The following AKT3 variants were observed in gnomAD, a reference collection of about 807,000 sequenced individuals.
AKT3 encodes AKT serine/threonine kinase 3, also known as RAC-gamma serine/threonine-protein kinase.
A neutral mutation model predicts 65.3 loss-of-function variants in AKT3; 15 were observed. The ratio of observed to expected loss-of-function variants is 0.23; its 90% CI spans 0.15 to 0.35. The LOEUF is 0.35. Among genes scored for constraint, AKT3 ranks in the 10% least tolerant of loss-of-function variants. AKT3 has a pLI of 1.00. For synonymous variants in AKT3, 206 were observed against 183.8 expected, an observed-to-expected ratio of 1.12 and a Z score of -0.98; for missense variants, 243 against 576.5, an observed-to-expected ratio of 0.42 and a Z score of 5.92.
intron 2 of AKT3, among the ~76,000 whole-genome samples, chr1:243,839,781 T>C (rs1203162892): frequency 6.6e-6 from 1 of 151,596 alleles, no homozygotes; most frequent in Non-Finnish European, 1.5e-5. Flanking sequence ...AAAAGACTAA[T>C]ATTCAAAGTA....
At chr1:243,674,994 C>T (rs1285220754) in intron 3 of AKT3, among the ~76,000 whole-genome samples, 1 of 152,120 alleles carries the variant, frequency 6.6e-6, no homozygotes, top group Non-Finnish European at 1.5e-5. Flanking sequence ...TTTTGGAGTC[C>T]GCAGTGTCTA....
At chr1:243,576,371 G>A (rs1281072212) in intron 8 of AKT3, among the ~76,000 whole-genome samples, 3 of 152,110 alleles carry the variant, frequency 2.0e-5, no homozygotes, top group East Asian at 3.9e-4. Flanking sequence ...ACATAGTATT[G>A]GAAATGCTGG....
intron 12 of AKT3, among the ~76,000 whole-genome samples, chr1:243,513,051 G>C (rs879645227): frequency 5.3e-5 from 8 of 152,204 alleles, no homozygotes; most frequent in Non-Finnish European, 1.2e-4. Flanking sequence ...GCCCAGAAGA[G>C]ATTAAGAGTA....
chr1:243,552,648 T>C (rs1231325618), intron 11 of AKT3, 81 bp downstream of exon 11: 2 of 1,262,408 alleles, frequency 1.6e-6, no homozygotes, highest in African/African-American at 1.5e-5. Context: ...TTCTTGGAGT[T>C]AGTTATATTT....
chr1:243,636,826 G>C (rs1680008845), intron 6 of AKT3, among the ~76,000 whole-genome samples: 1 of 152,178 alleles, frequency 6.6e-6, no homozygotes, highest in Middle Eastern at 3.4e-3. Context: ...TTCCAATAGG[G>C]GCATTGACTT....
chr1:243,791,343 A>T (rs1286294579), intron 2 of AKT3, among the ~76,000 whole-genome samples: 1 of 152,064 alleles, frequency 6.6e-6, no homozygotes, highest in Non-Finnish European at 1.5e-5. Flanking sequence ...ACAGATGCAG[A>T]ACCCACAATG....
chr1:243,573,197 C>A, intron 8 of AKT3, 149 bp from the exon 9 acceptor site: 1 of 892,454 alleles, frequency 1.1e-6, no homozygotes, highest in South Asian at 3.2e-5. Context: ...CAGCAGCTGG[C>A]TTATCTTTTC....
intron 8 of AKT3, among the ~76,000 whole-genome samples, chr1:243,606,878 C>T (rs1677468233): frequency 6.6e-6 from 1 of 152,274 alleles, no homozygotes; most frequent in Non-Finnish European, 1.5e-5. Context: ...TGCATCCCAA[C>T]TGCTTCAGTC....
At chr1:243,803,117 G>A (rs767674933) in intron 2 of AKT3, among the ~76,000 whole-genome samples, 2 of 152,158 alleles carry the variant, frequency 1.3e-5, no homozygotes, top group African/African-American at 4.8e-5. Context: ...TCCAACCTGG[G>A]TGACAGAGTG....
At chr1:243,779,029 T>C (rs1193894761) in intron 2 of AKT3, among the ~76,000 whole-genome samples, 1 of 152,080 alleles carries the variant, frequency 6.6e-6, no homozygotes, top group Non-Finnish European at 1.5e-5. Flanking sequence ...TTCCTATTAA[T>C]GGACATTTGG....
At chr1:243,705,471 C>T (rs909445727) in intron 2 of AKT3, among the ~76,000 whole-genome samples, 1 of 152,152 alleles carries the variant, frequency 6.6e-6, no homozygotes, top group African/African-American at 2.4e-5. Flanking sequence ...GGTAAATTGA[C>T]TAATCAAATC....
intron 2 of AKT3, among the ~76,000 whole-genome samples, chr1:243,756,489 T>G (rs1170450233): frequency 6.6e-6 from 1 of 152,206 alleles, no homozygotes; most frequent in Non-Finnish European, 1.5e-5. Context: ...TGAGACAATC[T>G]GGATATCAAA....
chr1:243,646,647 A>C (rs919004721), intron 4 of AKT3, among the ~76,000 whole-genome samples: 2 of 152,082 alleles, frequency 1.3e-5, no homozygotes, highest in African/African-American at 4.8e-5. Flanking sequence ...GAACCACCGC[A>C]CTTGGCCAAT....
At chr1:243,546,237 T>C (rs1672667726) in intron 11 of AKT3, among the ~76,000 whole-genome samples, 1 of 152,204 alleles carries the variant, frequency 6.6e-6, no homozygotes, top group Non-Finnish European at 1.5e-5. Flanking sequence ...TCCCCAGCCA[T>C]GTGGAACTGT....
chr1:243,584,084 C>G (rs1389115825), intron 8 of AKT3, among the ~76,000 whole-genome samples: 2 of 151,864 alleles, frequency 1.3e-5, no homozygotes, highest in Admixed American at 1.3e-4. Context: ...GTGAGATTAA[C>G]AAAGGAAAAG....
chr1:243,495,766 C>T (rs1667696252), downstream of AKT3, among the ~76,000 whole-genome samples: 5 of 152,172 alleles, frequency 3.3e-5, no homozygotes, highest in Admixed American at 3.3e-4. Flanking sequence ...GCACCTCTCT[C>T]CTCAGTGCGT....
intron 3 of AKT3, among the ~76,000 whole-genome samples, chr1:243,667,106 G>A (rs912778776): frequency 6.6e-6 from 1 of 152,104 alleles, no homozygotes; most frequent in Admixed American, 6.5e-5. Context: ...AGTGTGTACT[G>A]CTGTCAGGAG....
At chr1:243,849,386 A>ACACCCCCCCCC (rs1695655591) in intron 1 of AKT3, among the ~76,000 whole-genome samples, 2 of 107,020 alleles carry the variant, frequency 1.9e-5, no homozygotes, top group African/African-American at 3.9e-5. Flanking sequence ...CCACACACAC[A>ACACCCCCCCCC]CCCCCCCCCC....
At chr1:243,743,881 G>T (rs1321263964) in intron 2 of AKT3, among the ~76,000 whole-genome samples, 1 of 152,144 alleles carries the variant, frequency 6.6e-6, no homozygotes, top group Non-Finnish European at 1.5e-5. Flanking sequence ...TGAAGATATA[G>T]AACAAATGAA....
Sources: allele counts gnomAD v4.1 joint callset (sites outside exome capture counted in the v4.1 genomes callset), GRCh38; gene constraint gnomAD v4.1.1; transcripts MANE v1.5; gene names NCBI Gene and HGNC (gene_info 2026-07-23, HGNC 2026-07-21).